EPHB1: variants seen among roughly 807,000 people sequenced by gnomAD.
EPHB1 encodes ephrin type-B receptor 1.
A neutral mutation model predicts 94.4 loss-of-function variants in EPHB1; 30 were observed. That is an observed-to-expected ratio of 0.32 (90% CI 0.24 to 0.43). The LOEUF (loss-of-function observed/expected upper bound fraction) is 0.43, where lower values mean the gene tolerates loss of function less well. Among genes scored for constraint, EPHB1 ranks in the 20% least tolerant of loss-of-function variants. The pLI, the probability that EPHB1 is intolerant of heterozygous loss-of-function variation, is 1.00. For missense variants in EPHB1, 1,055 were observed against 1,308.3 expected (o/e 0.81, Z 2.99); for synonymous variants, 522 against 489.1 (o/e 1.07, Z -0.89).
rs75402503 is a variant in EPHB1 at position 134,983,924 on chromosome 3, T to A, written c.805+31872T>A. Among the ~76,000 whole-genome samples, 315 of 152,314 alleles carry A rather than the reference T, an allele frequency of 2.1e-3. 3 individuals carry two copies. Among genetic ancestry groups the A allele is most frequent in the African/African-American group, 7.5e-3 (310 of 41,568 alleles). ...CTGCATCTTTGGTCCCCGCAATTCA[T>A]CTGCAAAGTAGGGGTGACACCCTCC... On this transcript the variant is annotated intron_variant, in intron 3 of 15. Coordinates refer to ENST00000398015, the MANE Select transcript of EPHB1 (RefSeq NM_004441.5).
chr3:134,931,621 C>T (rs36174), intron 2 of EPHB1, among the ~76,000 whole-genome samples: 73,779 of 152,082 alleles, frequency 0.49, 19,002 homozygotes, highest in African/African-American at 0.65. Context: ...AAAGGGGATG[C>T]GATAGAGGAA....
chr3:134,992,007 A>C (rs1336124492), intron 3 of EPHB1, among the ~76,000 whole-genome samples: 1 of 152,082 alleles, frequency 6.6e-6, no homozygotes, highest in Non-Finnish European at 1.5e-5. Context: ...TATTTCCATA[A>C]TCCTTCTCTA....
chr3:134,812,212 A>G (rs575299397), intron 1 of EPHB1, among the ~76,000 whole-genome samples: 1 of 152,226 alleles, frequency 6.6e-6, no homozygotes, highest in Non-Finnish European at 1.5e-5. Context: ...GTGGTCATGT[A>G]GCCACCCTAC....
At chr3:135,188,901 C>A (rs548532885) in intron 10 of EPHB1, among the ~76,000 whole-genome samples, 1 of 152,292 alleles carries the variant, frequency 6.6e-6, no homozygotes, top group South Asian at 2.1e-4. Flanking sequence ...GAAAGGAATT[C>A]TTTTACAGAA....
intron 12 of EPHB1, among the ~76,000 whole-genome samples, chr3:135,240,094 T>C (rs993318158): frequency 6.6e-6 from 1 of 152,168 alleles, no homozygotes; most frequent in African/African-American, 2.4e-5. Flanking sequence ...CTTCCCTGTG[T>C]TGGGGAGTCT....
Position 135,244,365 on chromosome 3 carries a change from C to T in EPHB1, c.2496+3068C>T, listed in dbSNP as rs534093671. Reference sequence around the variant, plus strand: ...ACAGTTGCCTAGACTGGTCTCCTTGCCCCCAGAGCTTTACTTTTACTTCTC... The same window carrying T: ...ACAGTTGCCTAGACTGGTCTCCTTGTCCCCAGAGCTTTACTTTTACTTCTC... On this transcript the variant is annotated intron_variant, in intron 13 of 15. Transcript: ENST00000398015. 7.2e-5 allele frequency among the ~76,000 whole-genome samples: 11 copies of T among 152,290 alleles called. No individual in the cohort carries two copies. In the South Asian group the frequency reaches 1.0e-3, roughly 14 times the overall value.
At chr3:135,193,587 G>A (rs1416568594) in intron 11 of EPHB1, among the ~76,000 whole-genome samples, 1 of 152,220 alleles carries the variant, frequency 6.6e-6, no homozygotes, top group African/African-American at 2.4e-5. Context: ...GAAGCTGAGA[G>A]CAGAGGGTCC....
intron 4 of EPHB1, among the ~76,000 whole-genome samples, chr3:135,130,206 G>C (rs1474365100): frequency 6.6e-6 from 1 of 152,084 alleles, no homozygotes; most frequent in Non-Finnish European, 1.5e-5. Context: ...CATGAGGATA[G>C]AGAGGAAGGA....
intron 13 of EPHB1, among the ~76,000 whole-genome samples, chr3:135,246,649 A>G (rs1398772660): frequency 6.6e-6 from 1 of 152,140 alleles, no homozygotes; most frequent in Non-Finnish European, 1.5e-5. Flanking sequence ...CTCATGGGGA[A>G]ATGGGGTTAA....
intron 1 of EPHB1, among the ~76,000 whole-genome samples, chr3:134,888,687 A>G (rs1270830525): frequency 6.8e-6 from 1 of 147,984 alleles, no homozygotes; most frequent in Non-Finnish European, 1.5e-5. Context: ...CAGCCTGGCG[A>G]CAGAGTGAGA....
chr3:134,969,219 G>A (rs1933880092), intron 3 of EPHB1, among the ~76,000 whole-genome samples: 2 of 152,162 alleles, frequency 1.3e-5, no homozygotes. Context: ...TGTGTGTCAT[G>A]GTATCTCATG....
chr3:135,227,486 T>G (rs1046013347), intron 12 of EPHB1, among the ~76,000 whole-genome samples: 6 of 152,156 alleles, frequency 3.9e-5, no homozygotes, highest in Non-Finnish European at 5.9e-5. Context: ...TACATAATGA[T>G]CTACTCATAG....
At chr3:135,252,248 G>A (rs944580429) in intron 15 of EPHB1, among the ~76,000 whole-genome samples, 3 of 149,954 alleles carry the variant, frequency 2.0e-5, no homozygotes, top group Non-Finnish European at 3.0e-5. Flanking sequence ...AAGTTTTACG[G>A]TACATGTGCA....
At chr3:135,030,533 G>C (rs1022945863) in intron 3 of EPHB1, among the ~76,000 whole-genome samples, 5 of 152,206 alleles carry the variant, frequency 3.3e-5, no homozygotes, top group East Asian at 3.9e-4. Context: ...AGTTAGGCTG[G>C]TCGGGGGTCA....
At chr3:135,099,334 C>CGGAT (rs979185011) in intron 3 of EPHB1, among the ~76,000 whole-genome samples, 1 of 17,042 alleles carries the variant, frequency 5.9e-5, no homozygotes, top group African/African-American at 1.2e-4. Context: ...GATGGATGGA[C>CGGAT]GGATGGATGG....
At chr3:135,016,891 G>A (rs558634452) in intron 3 of EPHB1, among the ~76,000 whole-genome samples, 18 of 152,170 alleles carry the variant, frequency 1.2e-4, no homozygotes, top group Non-Finnish European at 4.4e-5. Context: ...ATGTTTGCCC[G>A]CTGCAGAGAT....
intron 2 of EPHB1, among the ~76,000 whole-genome samples, chr3:134,937,558 C>A (rs2039028059): frequency 6.6e-6 from 1 of 152,244 alleles, no homozygotes; most frequent in Non-Finnish European, 1.5e-5. Context: ...GAATGAGGAG[C>A]CCATTTCCTT....
At chr3:135,200,765 A>C (rs1357661985) in intron 11 of EPHB1, among the ~76,000 whole-genome samples, 1 of 152,164 alleles carries the variant, frequency 6.6e-6, no homozygotes, top group East Asian at 1.9e-4. Flanking sequence ...TGCACTAAAC[A>C]TTTGTCATGA....
rs59448814 is a variant in EPHB1 at position 134,882,761 on chromosome 3, C to CTTTCTTTCTTT, written c.59-43055_59-43054insTTTCTTTCTTT. On this transcript the variant is annotated intron_variant, in intron 1 of 15. Coordinates refer to ENST00000398015, the MANE Select transcript of EPHB1 (RefSeq NM_004441.5). ...TTCCTTCTTTCTTCCTTTCTTCCTT[C>CTTTCTTTCTTT]CTTCCTTTCTTTCTTTCTTTCTTTC... Among the ~76,000 whole-genome samples the CTTTCTTTCTTT allele has an allele frequency of 4.9e-3, 153 of 31,258 alleles. 5 individuals carry two copies. Among genetic ancestry groups the CTTTCTTTCTTT allele is most frequent in the African/African-American group, 9.7e-3 (142 of 14,620 alleles). 20.5% of individuals were successfully genotyped at this position (31,258 alleles called of 152,430 possible).
Sources: gnomAD v4.1 joint callset for allele counts (sites outside exome capture counted in the v4.1 genomes callset) on GRCh38, gnomAD v4.1.1 for gene constraint, MANE v1.5 for transcripts, NCBI Gene and HGNC (gene_info 2026-07-23, HGNC 2026-07-21) for gene names.